The following SH3RF1 variants were observed in gnomAD, a reference collection of about 807,000 sequenced individuals.
SH3RF1 encodes E3 ubiquitin-protein ligase SH3RF1.
A neutral mutation model predicts 74.0 loss-of-function variants in SH3RF1; 32 were observed. The observed-to-expected ratio is 0.43, with a 90% confidence interval of 0.33 to 0.58. SH3RF1 has a LOEUF of 0.58. Ranked by LOEUF, SH3RF1 falls within the 20% of genes least tolerant of loss-of-function variation. The pLI, the probability that SH3RF1 is intolerant of heterozygous loss-of-function variation, is 0.05. For missense variants in SH3RF1, 954 were observed against 1,130.9 expected (o/e 0.84, Z 2.24); for synonymous variants, 396 against 439.6 (o/e 0.90, Z 1.24).
At chr4:169,226,244 G>A (rs1730652066) in intron 2 of SH3RF1, among the ~76,000 whole-genome samples, 1 of 152,166 alleles carries the variant, frequency 6.6e-6, no homozygotes, top group Admixed American at 6.5e-5. Context: ...TCACGCTATA[G>A]ATAAAAGAGT....
intron 2 of SH3RF1, among the ~76,000 whole-genome samples, chr4:169,230,024 G>A (rs538488311): frequency 8.9e-5 from 11 of 123,778 alleles, no homozygotes; most frequent in African/African-American, 3.1e-4. Context: ...TGGTCAACAT[G>A]GTGAAACCCA....
chr4:169,187,522 G>C (rs1734629197), intron 2 of SH3RF1, among the ~76,000 whole-genome samples: 1 of 1,776 alleles, frequency 5.6e-4, no homozygotes, highest in East Asian at 0.071. Context: ...ATTTCTGTGT[G>C]TGTGTGTGTG....
chr4:169,112,314 CCAATT>C (rs1285940957), intron 10 of SH3RF1, among the ~76,000 whole-genome samples: 2 of 152,104 alleles, frequency 1.3e-5, no homozygotes, highest in Non-Finnish European at 2.9e-5. Flanking sequence ...AACTTTGGAT[CCAATT>C]CTGATCAACT....
intron 5 of SH3RF1, among the ~76,000 whole-genome samples, chr4:169,131,896 T>C (rs1243292505): frequency 1.3e-5 from 2 of 152,190 alleles, no homozygotes; most frequent in Admixed American, 6.5e-5. Context: ...CTCTGATTGG[T>C]TGCTTTCCCC....
At chr4:169,135,642 C>T (rs142758113) in intron 5 of SH3RF1, among the ~76,000 whole-genome samples, 4 of 152,214 alleles carry the variant, frequency 2.6e-5, no homozygotes, top group African/African-American at 9.6e-5. Context: ...TACACAGTGC[C>T]TAGAAGGGTC....
At chr4:169,225,728 AG>A (rs1730646099) in intron 2 of SH3RF1, among the ~76,000 whole-genome samples, 1 of 152,214 alleles carries the variant, frequency 6.6e-6, no homozygotes, top group Non-Finnish European at 1.5e-5. Context: ...AAGTGATGGT[AG>A]CTTGAAGGAG....
chr4:169,201,236 G>A (rs1446346579), intron 2 of SH3RF1, among the ~76,000 whole-genome samples: 9 of 152,068 alleles, frequency 5.9e-5, no homozygotes, highest in Non-Finnish European at 8.8e-5. Flanking sequence ...AAAACACCAC[G>A]GCCTCTCCAT....
At chr4:169,223,636 CCTT>C (rs931661631) in intron 2 of SH3RF1, among the ~76,000 whole-genome samples, 2 of 152,156 alleles carry the variant, frequency 1.3e-5, no homozygotes, top group African/African-American at 4.8e-5. Flanking sequence ...AAAATTATGT[CCTT>C]CTTTCCATGT....
At chr4:169,109,354 G>A (rs1733202703) in intron 10 of SH3RF1, among the ~76,000 whole-genome samples, 1 of 152,208 alleles carries the variant, frequency 6.6e-6, no homozygotes, top group Non-Finnish European at 1.5e-5. Flanking sequence ...AAGTGATTAA[G>A]AAGAAAGATG....
intron 1 of SH3RF1, chr4:169,269,781 C>A (rs928183625): frequency 1.3e-5 from 2 of 152,266 alleles, no homozygotes; most frequent in African/African-American, 4.8e-5. Context: ...TGTAATCGCT[C>A]GTGGTAAATG....
intron 2 of SH3RF1, among the ~76,000 whole-genome samples, chr4:169,225,488 T>A (rs1001987257): frequency 1.3e-5 from 2 of 152,132 alleles, no homozygotes; most frequent in African/African-American, 4.8e-5. Context: ...AGGGAAGTCA[T>A]TTCAAGAATC....
At chr4:169,157,592 A>G (rs1186089139) in intron 2 of SH3RF1, among the ~76,000 whole-genome samples, 2 of 152,154 alleles carry the variant, frequency 1.3e-5, no homozygotes, top group South Asian at 2.1e-4. Flanking sequence ...GGCCTCTCTG[A>G]GCGCTGTTGC....
chr4:169,148,501 G>A (rs890353489), intron 4 of SH3RF1, among the ~76,000 whole-genome samples: 1 of 152,098 alleles, frequency 6.6e-6, no homozygotes, highest in African/African-American at 2.4e-5. Context: ...AATTATACAC[G>A]ATGAGACTTA....
chr4:169,251,960 A>G (rs1281329972), intron 2 of SH3RF1, among the ~76,000 whole-genome samples: 1 of 152,240 alleles, frequency 6.6e-6, no homozygotes, highest in Non-Finnish European at 1.5e-5. Context: ...ACCTTTGATC[A>G]TACATGTGTT....
chr4:169,184,388 G>A (rs967153684), intron 2 of SH3RF1, among the ~76,000 whole-genome samples: 5 of 152,228 alleles, frequency 3.3e-5, no homozygotes, highest in African/African-American at 1.2e-4. Flanking sequence ...AAAGCCAGAT[G>A]GCAGGGCCAT....
intron 2 of SH3RF1, among the ~76,000 whole-genome samples, chr4:169,170,164 A>C (rs1734302924): frequency 6.6e-6 from 1 of 152,190 alleles, no homozygotes; most frequent in South Asian, 2.1e-4. Flanking sequence ...AGCCAGTTGC[A>C]GCAAGCCCAG....
At chr4:169,251,958 T>C (rs1338576271) in intron 2 of SH3RF1, among the ~76,000 whole-genome samples, 1 of 152,242 alleles carries the variant, frequency 6.6e-6, no homozygotes, top group Non-Finnish European at 1.5e-5. Flanking sequence ...TCACCTTTGA[T>C]CATACATGTG....
At chr4:169,128,665 A>G (rs980066044) in intron 6 of SH3RF1, among the ~76,000 whole-genome samples, 12 of 152,270 alleles carry the variant, frequency 7.9e-5, no homozygotes, top group African/African-American at 2.7e-4. Flanking sequence ...ATGGAAAATA[A>G]GAACAATAAA....
At chr4:169,162,168 T>TA (rs968681302) in intron 2 of SH3RF1, among the ~76,000 whole-genome samples, 33 of 151,168 alleles carry the variant, frequency 2.2e-4, no homozygotes, top group East Asian at 1.4e-3. Context: ...GAAAAAAAAG[T>TA]AAAAAAAAAT....
Sources: gnomAD v4.1 joint callset for allele counts (sites outside exome capture counted in the v4.1 genomes callset) on GRCh38, gnomAD v4.1.1 for gene constraint, MANE v1.5 for transcripts, NCBI Gene and HGNC (gene_info 2026-07-23, HGNC 2026-07-21) for gene names.